The following TNRC6B variants were observed in gnomAD, a reference collection of about 807,000 sequenced individuals.
TNRC6B encodes the protein trinucleotide repeat containing adaptor 6B, also known as trinucleotide repeat-containing gene 6B protein.
A neutral mutation model predicts 203.6 loss-of-function variants in TNRC6B; 52 were observed. The ratio of observed to expected loss-of-function variants is 0.26; its 90% confidence interval spans 0.20 to 0.32. The LOEUF (loss-of-function observed/expected upper bound fraction) is 0.32, where lower values mean the gene tolerates loss of function less well. TNRC6B is among the 10% of genes least tolerant of loss of function. The pLI is 1.00. For missense variants in TNRC6B, 1,923 were observed against 2,286.2 expected (o/e 0.84, Z 3.24); for synonymous variants, 838 against 845.7 (o/e 0.99, Z 0.16).
rs777506398 is a variant in TNRC6B, at chr22:40,273,454, G to A, written c.2995G>A (p.Glu999Lys). ...NSKSMQDGWG[E>K]SDGPVTGARH... Reference sequence around the variant, plus strand: ...CAAATCTATGCAAGACGGCTGGGGGGAGAGTGACGGGCCAGTCACAGGAGC... The same window carrying A: ...CAAATCTATGCAAGACGGCTGGGGGAAGAGTGACGGGCCAGTCACAGGAGC... The change falls in exon 7 of 23, where the codon GAG (glutamate) becomes AAG (lysine). Residue 999 changes from glutamate to lysine, a missense_variant. Around this residue, in one of 8 missense-constraint regions of TNRC6B, gnomAD observed 599 missense variants for 656.5 expected, o/e 0.91. Transcript: ENST00000454349. The A allele has an allele frequency of 1.9e-6, 3 of 1,610,146 alleles. No individual in the cohort carries two copies. Among genetic ancestry groups the A allele is most frequent in the Non-Finnish European group, 2.5e-6 (3 of 1,178,290 alleles).
intron 7 of TNRC6B, among the ~76,000 whole-genome samples, chr22:40,275,509 T>C (rs2070628375): frequency 6.6e-6 from 1 of 152,192 alleles, no homozygotes; most frequent in African/African-American, 2.4e-5. Flanking sequence ...TTTTTAAGTG[T>C]ACAGTTCAGT....
chr22:40,206,476 T>TTAA (rs2069479373), intron 1 of TNRC6B, among the ~76,000 whole-genome samples: 1 of 152,230 alleles, frequency 6.6e-6, no homozygotes, highest in Non-Finnish European at 1.5e-5. Context: ...ATGTTCATGG[T>TTAA]TAAGAAGGCT....
At chr22:40,190,280 AAAG>A (rs2069254781) in intron 1 of TNRC6B, among the ~76,000 whole-genome samples, 1 of 152,262 alleles carries the variant, frequency 6.6e-6, no homozygotes, top group African/African-American at 2.4e-5. Flanking sequence ...GTGTCTGAAA[AAAG>A]AAAAACCAAG....
intron 3 of TNRC6B, among the ~76,000 whole-genome samples, chr22:40,129,106 AACAGTGTTCTAGAC>A (rs1008700706): frequency 6.6e-6 from 1 of 152,186 alleles, no homozygotes; most frequent in African/African-American, 2.4e-5. Context: ...GAGCTGAAGC[AACAGTGTTCTAGAC>A]ACAGGAAACA....
intron 3 of TNRC6B, among the ~76,000 whole-genome samples, chr22:40,131,197 G>A (rs1489048499): frequency 6.6e-6 from 1 of 152,130 alleles, no homozygotes; most frequent in Non-Finnish European, 1.5e-5. Context: ...TGGGATTACA[G>A]GCTGAGCCAC....
chr22:40,285,724 C>T lies in TNRC6B; in HGVS notation c.3662C>T (p.Ser1221Phe). ...ACACCCGTGCAGCCACTAAATTCTT[C>T]TCCCAGTCTCCGGGCGCAAGTGCCT... ...LHTPVQPLNS[S>F]PSLRAQVPPQ... Residue 1221 changes from serine (S) to phenylalanine (F), a missense_variant, in exon 12 of 23, where the codon TCT becomes TTT. Coordinates refer to ENST00000454349, the MANE Select transcript of TNRC6B (RefSeq NM_001162501.2). 1 of 1,614,038 alleles carries T rather than the reference C, an allele frequency of 6.2e-7. No homozygotes were observed. Among genetic ancestry groups the T allele is most frequent in the Non-Finnish European group, 8.5e-7 (1 of 1,179,906 alleles).
intron 1 of TNRC6B, among the ~76,000 whole-genome samples, chr22:40,087,827 C>T (rs1332782684): frequency 3.9e-5 from 6 of 152,062 alleles, no homozygotes. Flanking sequence ...GAGATGTAGG[C>T]AGGGCCCTCA....
chr22:40,197,759 A>T (rs2069360605), intron 1 of TNRC6B, among the ~76,000 whole-genome samples: 1 of 151,594 alleles, frequency 6.6e-6, no homozygotes, highest in Admixed American at 6.6e-5. Flanking sequence ...GGCATGAGCC[A>T]CCGTGCCTGG....
chr22:40,078,373 A>C lies in TNRC6B; in HGVS notation c.-121+33375A>C, dbSNP rs2068037103. Among the ~76,000 whole-genome samples the C allele has an allele frequency of 2.0e-5, 3 of 151,940 alleles. No individual in the cohort carries two copies. In the South Asian group the frequency reaches 6.2e-4, roughly 32 times the overall value. ...AGCCTGTCTCTACAAAAAATTTAAA[A>C]ATTAGCCAGATGTGGTGGCACATGC... On this transcript the variant is annotated intron_variant, in intron 1 of 23. Transcript: ENST00000301923.
At chr22:40,292,547 A>G (rs1194740849) in intron 12 of TNRC6B, among the ~76,000 whole-genome samples, 1 of 152,228 alleles carries the variant, frequency 6.6e-6, no homozygotes, top group African/African-American at 2.4e-5. Flanking sequence ...TAAATGCCAT[A>G]TCGATTGCAA....
intron 1 of TNRC6B, among the ~76,000 whole-genome samples, chr22:40,056,326 C>T (rs1705307347): frequency 6.6e-6 from 1 of 152,104 alleles, no homozygotes; most frequent in Non-Finnish European, 1.5e-5. Context: ...ACGGTAATGC[C>T]GATTTCTGCA....
upstream of TNRC6B, among the ~76,000 whole-genome samples, chr22:40,173,349 C>T (rs912586244): frequency 5.9e-5 from 9 of 151,802 alleles, no homozygotes; most frequent in African/African-American, 2.2e-4. Flanking sequence ...CCCTCGGCCT[C>T]CCAAAGTACT....
chr22:40,151,702 A>G (rs897095290), intron 3 of TNRC6B, among the ~76,000 whole-genome samples: 3 of 151,960 alleles, frequency 2.0e-5, no homozygotes, highest in African/African-American at 7.2e-5. Flanking sequence ...AAAATAGCAG[A>G]AATTGTACAT....
At chr22:40,308,951 T>A (rs369800325) in intron 16 of TNRC6B, among the ~76,000 whole-genome samples, 6 of 152,364 alleles carry the variant, frequency 3.9e-5, no homozygotes, top group East Asian at 1.9e-4. Context: ...CTTGTTGAGT[T>A]TGTTTTGCGG....
At chr22:40,106,398 T>A in intron 1 of TNRC6B, 1 of 1,144,162 alleles carries the variant, frequency 8.7e-7, no homozygotes, top group Non-Finnish European at 1.3e-6. Flanking sequence ...ATGGGTGGTC[T>A]TTTTCTTCAT....
intron 1 of TNRC6B, among the ~76,000 whole-genome samples, chr22:40,103,639 T>A (rs1015440878): frequency 6.6e-6 from 1 of 152,100 alleles, no homozygotes; most frequent in Non-Finnish European, 1.5e-5. Flanking sequence ...AATTCTTTTT[T>A]TTTCTTTATT....
chr22:40,182,160 G>A (rs545671016), intron 1 of TNRC6B, among the ~76,000 whole-genome samples: 3 of 151,910 alleles, frequency 2.0e-5, no homozygotes, highest in East Asian at 1.9e-4. Flanking sequence ...CAGGAGAATC[G>A]TTTGAACCCA....
chr22:40,156,013 G>A (rs1239544495), intron 3 of TNRC6B: 1 of 1,039,006 alleles, frequency 9.6e-7, no homozygotes, highest in African/African-American at 1.6e-5. Context: ...GTGCACCACA[G>A]TGAAACGGCC....
chr22:40,278,168 TG>T, intron 9 of TNRC6B, 124 bp downstream of exon 9: 1 of 749,054 alleles, frequency 1.3e-6, no homozygotes, highest in East Asian at 2.7e-5. Context: ...ACTTACTCTT[TG>T]TAAGGTACTG....
Sources: gnomAD v4.1 joint callset for allele counts (sites outside exome capture counted in the v4.1 genomes callset) on GRCh38, gnomAD v4.1.1 for gene constraint, gnomAD v4.1.1 regional missense constraint, MANE v1.5 for transcripts, NCBI Gene and HGNC (gene_info 2026-07-23, HGNC 2026-07-21) for gene names.